Variants in ESRRG observed in about 807,000 individuals in gnomAD.
The protein encoded by ESRRG is estrogen-related receptor gamma.
ESRRG carries 13 observed loss-of-function variants against 44.0 expected under a neutral mutation model. The ratio of observed to expected loss-of-function variants is 0.30; its 90% confidence interval spans 0.19 to 0.47. The LOEUF is 0.47. ESRRG is among the 20% of genes least tolerant of loss of function. ESRRG has a pLI of 1.00. For synonymous variants in ESRRG, 215 were observed against 214.6 expected, an observed-to-expected ratio of 1.00 and a Z score of -0.02; for missense variants, 395 against 580.6, an observed-to-expected ratio of 0.68 and a Z score of 3.29.
At chr1:216,622,505 T>C (rs926587864) in intron 3 of ESRRG, among the ~76,000 whole-genome samples, 3 of 152,166 alleles carry the variant, frequency 2.0e-5, no homozygotes, top group African/African-American at 7.2e-5. Context: ...CCCTCACATG[T>C]TAGAATGGCC....
At position 216,965,263 on chromosome 1, in the gene ESRRG, A is replaced by G. The variant is rs149460606; in HGVS notation, c.-105-25590T>C. On this transcript the variant is annotated intron_variant, in intron 1 of 7. Transcript: ENST00000359162. ...AAACCATCCCAACCTGAATGGCAAG[A>G]AATTCAGACTTCAGTATAAGCTGTC... Among the ~76,000 whole-genome samples the G allele has an allele frequency of 3.4e-3, 522 of 152,248 alleles. 3 individuals are homozygous for G. The highest frequency in any genetic ancestry group is 0.025 in the Admixed American group (378 of 15,294).
At chr1:216,763,564 T>C (rs1020560406) in intron 2 of ESRRG, among the ~76,000 whole-genome samples, 3 of 152,158 alleles carry the variant, frequency 2.0e-5, no homozygotes, top group African/African-American at 7.2e-5. Context: ...ACAATATTAA[T>C]ATACGCTTAG....
intron 1 of ESRRG, among the ~76,000 whole-genome samples, chr1:217,062,283 T>C (rs1056142275): frequency 1.3e-5 from 2 of 152,170 alleles, no homozygotes; most frequent in African/African-American, 4.8e-5. Context: ...AATGACCATG[T>C]TTTAAAAGCA....
intron 2 of ESRRG, among the ~76,000 whole-genome samples, chr1:216,902,478 G>GA (rs1377756804): frequency 3.6e-5 from 5 of 139,558 alleles, no homozygotes; most frequent in East Asian, 4.1e-4. Flanking sequence ...ACAGAGTCTC[G>GA]AAAAAAAAGA....
At chr1:216,535,884 G>A (rs1289516936) in intron 5 of ESRRG, among the ~76,000 whole-genome samples, 1 of 151,976 alleles carries the variant, frequency 6.6e-6, no homozygotes, top group Non-Finnish European at 1.5e-5. Context: ...ACAAAATGGT[G>A]TACATGCACT....
chr1:217,114,233 T>C (rs1321335421), intron 1 of ESRRG, among the ~76,000 whole-genome samples: 1 of 151,904 alleles, frequency 6.6e-6, no homozygotes, highest in African/African-American at 2.4e-5. Flanking sequence ...ATAAACCTTG[T>C]TGTGGGCCTT....
intron 2 of ESRRG, among the ~76,000 whole-genome samples, chr1:216,838,525 C>T (rs1436895): frequency 0.16 from 24,794 of 151,708 alleles, 2,332 homozygotes; most frequent in African/African-American, 0.24. Flanking sequence ...TTTTTGAAGA[C>T]GAAAAACAAC....
At chr1:216,869,842 C>T (rs1422818318) in intron 2 of ESRRG, among the ~76,000 whole-genome samples, 1 of 151,770 alleles carries the variant, frequency 6.6e-6, no homozygotes, top group East Asian at 1.9e-4. Flanking sequence ...AGTGCACTTT[C>T]CAATTGTACA....
At chr1:217,076,030 A>G (rs1027355223) in intron 1 of ESRRG, among the ~76,000 whole-genome samples, 7 of 152,202 alleles carry the variant, frequency 4.6e-5, no homozygotes, top group African/African-American at 1.7e-4. Context: ...AGAAGAATCT[A>G]TATGTTAAAA....
intron 1 of ESRRG, among the ~76,000 whole-genome samples, chr1:216,963,855 C>T (rs954945747): frequency 6.6e-6 from 1 of 152,056 alleles, no homozygotes; most frequent in Non-Finnish European, 1.5e-5. Context: ...TCAGCCATTA[C>T]TCAAAGCCAC....
At chr1:216,675,223 G>A (rs1297769285) in intron 2 of ESRRG, among the ~76,000 whole-genome samples, 1 of 151,982 alleles carries the variant, frequency 6.6e-6, no homozygotes, top group Non-Finnish European at 1.5e-5. Context: ...AGAGAAGCGT[G>A]TTGGTGCATG....
At chr1:216,651,710 CATT>C (rs768835881) in intron 2 of ESRRG, among the ~76,000 whole-genome samples, 5 of 152,120 alleles carry the variant, frequency 3.3e-5, no homozygotes, top group Non-Finnish European at 7.4e-5. Flanking sequence ...TGGTCATCAT[CATT>C]ATCATCCTCA....
rs540705232 is a variant in ESRRG at position 216,614,189 on chromosome 1, G to A, written c.589+36784C>T. Among the ~76,000 whole-genome samples the A allele has an allele frequency of 2.6e-5, 4 of 152,324 alleles. No homozygotes were observed. In the South Asian group the frequency reaches 6.2e-4, roughly 24 times the overall value. On this transcript the variant is annotated intron_variant, in intron 3 of 6. Transcript: ENST00000408911. ...CCACCACCACTCTCGGCCTCAGAGC[G>A]ATTAAATTGTGGCGGAGATGGAGGG...
At chr1:216,932,383 T>A (rs1430136847) in intron 2 of ESRRG, among the ~76,000 whole-genome samples, 1 of 152,162 alleles carries the variant, frequency 6.6e-6, no homozygotes, top group African/African-American at 2.4e-5. Flanking sequence ...AAATGACCAA[T>A]AAAATTGTAA....
chr1:217,100,197 T>A (rs1041009297), intron 1 of ESRRG, among the ~76,000 whole-genome samples: 1 of 152,190 alleles, frequency 6.6e-6, no homozygotes, highest in African/African-American at 2.4e-5. Flanking sequence ...TTAGGACTCA[T>A]ACAGAAAACC....
intron 1 of ESRRG, among the ~76,000 whole-genome samples, chr1:217,011,126 T>C (rs1339223): frequency 0.75 from 114,201 of 152,168 alleles, 43,532 homozygotes; most frequent in African/African-American, 0.88. Flanking sequence ...TGTGTACATA[T>C]GTGTGAAGTC....
intron 2 of ESRRG, among the ~76,000 whole-genome samples, chr1:216,845,540 G>A (rs1005769873): frequency 1.3e-5 from 2 of 152,116 alleles, no homozygotes; most frequent in African/African-American, 4.8e-5. Flanking sequence ...TGGAAAACAG[G>A]TATTGCCTGT....
At chr1:217,020,486 C>G (rs542152076) in intron 1 of ESRRG, among the ~76,000 whole-genome samples, 1 of 152,280 alleles carries the variant, frequency 6.6e-6, no homozygotes, top group South Asian at 2.1e-4. Context: ...TACTGCCTTC[C>G]TCTCCTTCAT....
intron 2 of ESRRG, among the ~76,000 whole-genome samples, chr1:216,776,094 C>T (rs1054481804): frequency 2.6e-5 from 4 of 152,020 alleles, no homozygotes; most frequent in Admixed American, 6.6e-5. Context: ...ATAATAGCTC[C>T]CTGTTACTTT....
Sources: gnomAD v4.1 joint callset for allele counts (sites outside exome capture counted in the v4.1 genomes callset) on GRCh38, gnomAD v4.1.1 for gene constraint, MANE v1.5 for transcripts, NCBI Gene and HGNC (gene_info 2026-07-23, HGNC 2026-07-21) for gene names.